The following CTNNA2 variants were observed in gnomAD, a reference collection of about 807,000 sequenced individuals.
The protein encoded by CTNNA2 is catenin alpha 2.
A neutral mutation model predicts 101.0 loss-of-function variants in CTNNA2; 42 were observed. The ratio of observed to expected loss-of-function variants is 0.42; its 90% confidence interval spans 0.32 to 0.54. The LOEUF is 0.54. Ranked by LOEUF, CTNNA2 falls within the 20% of genes least tolerant of loss-of-function variation. The pLI, the probability that CTNNA2 is intolerant of heterozygous loss-of-function variation, is 0.14. For synonymous variants in CTNNA2, 450 were observed against 456.4 expected (o/e 0.99, Z 0.18); for missense variants, 871 against 1,223.1 (o/e 0.71, Z 4.29).
intron 2 of CTNNA2, among the ~76,000 whole-genome samples, chr2:79,660,889 G>T (rs972914787): frequency 6.6e-6 from 1 of 152,026 alleles, no homozygotes; most frequent in Non-Finnish European, 1.5e-5. Context: ...GTATAAACAT[G>T]GAATTATGTA....
chr2:80,544,986 C>G lies in CTNNA2; in HGVS notation c.1295C>G (p.Ala432Gly), dbSNP rs1691912659. The G allele has an allele frequency of 1.2e-6, 2 of 1,613,762 alleles. No individual in the cohort carries two copies. The highest frequency in any genetic ancestry group is 1.1e-5 in the South Asian group (1 of 91,042). The change falls in exon 10 of 19, where the codon GCC (alanine) becomes GGC (glycine). Residue 432 changes from alanine to glycine, a missense_variant. By Grantham distance (60) the Ala-to-Gly change is moderately conservative. Transcript: ENST00000402739. ...REHANKLVEVANLACSISNNE... is the reference protein window; with the variant it reads ...REHANKLVEVGNLACSISNNE... ...CTAAAATCCTCTTCAATACAGGTTGCCAATTTGGCCTGTTCCATCTCCAAC... is the reference window on the plus strand; with the variant it reads ...CTAAAATCCTCTTCAATACAGGTTGGCAATTTGGCCTGTTCCATCTCCAAC...
intron 1 of CTNNA2, among the ~76,000 whole-genome samples, chr2:79,647,344 A>G (rs1376178760): frequency 2.0e-5 from 3 of 152,232 alleles, no homozygotes; most frequent in Admixed American, 6.5e-5. Flanking sequence ...ATAATAACAA[A>G]TATTTCCAGG....
chr2:79,485,581 A>G (rs1192795067), intron 4 of CTNNA2, among the ~76,000 whole-genome samples: 2 of 152,208 alleles, frequency 1.3e-5, no homozygotes, highest in Admixed American at 1.3e-4. Context: ...TTGGATGTGG[A>G]AAGAAGCACA....
intron 7 of CTNNA2, among the ~76,000 whole-genome samples, chr2:80,392,811 G>A (rs982598214): frequency 2.0e-5 from 3 of 152,010 alleles, no homozygotes; most frequent in Non-Finnish European, 4.4e-5. Context: ...AATCTTTTTC[G>A]ATTTAGTTTT....
intron 4 of CTNNA2, among the ~76,000 whole-genome samples, chr2:79,468,533 T>C (rs1055042723): frequency 6.6e-6 from 1 of 152,172 alleles, no homozygotes; most frequent in South Asian, 2.1e-4. Context: ...GTGGACCTAA[T>C]AGACATCTAC....
intron 1 of CTNNA2, among the ~76,000 whole-genome samples, chr2:79,517,496 A>G (rs964835326): frequency 6.6e-6 from 1 of 152,188 alleles, no homozygotes; most frequent in Non-Finnish European, 1.5e-5. Flanking sequence ...ATGTAAATAT[A>G]CTTCTAAAAA....
chr2:80,571,458 C>T (rs1047937152), intron 12 of CTNNA2, among the ~76,000 whole-genome samples: 1 of 152,152 alleles, frequency 6.6e-6, no homozygotes, highest in Non-Finnish European at 1.5e-5. Context: ...TTCAAAGATA[C>T]AAAAAGAACA....
At chr2:80,033,483 G>A (rs1695439892) in intron 7 of CTNNA2, among the ~76,000 whole-genome samples, 1 of 152,234 alleles carries the variant, frequency 6.6e-6, no homozygotes, top group African/African-American at 2.4e-5. Context: ...TGTGAGGTGG[G>A]AGGATCAATG....
At chr2:79,963,002 C>A (rs186295713) in intron 7 of CTNNA2, among the ~76,000 whole-genome samples, 3 of 130,618 alleles carry the variant, frequency 2.3e-5, no homozygotes, top group Admixed American at 1.9e-4. Context: ...ACCCGGGAGG[C>A]GGAACTTGCA....
chr2:80,449,272 C>A (rs1683303343), intron 9 of CTNNA2, among the ~76,000 whole-genome samples: 1 of 151,332 alleles, frequency 6.6e-6, no homozygotes, highest in African/African-American at 2.4e-5. Flanking sequence ...CAGAGCAAGA[C>A]CCTGGTCTCT....
intron 7 of CTNNA2, among the ~76,000 whole-genome samples, chr2:79,995,364 T>A (rs1198880474): frequency 6.6e-6 from 1 of 152,190 alleles, no homozygotes; most frequent in Non-Finnish European, 1.5e-5. Flanking sequence ...ATTCATTCCC[T>A]CCTAGGGTTT....
chr2:79,962,960 A>G (rs1335008877), intron 7 of CTNNA2, among the ~76,000 whole-genome samples: 1 of 149,858 alleles, frequency 6.7e-6, no homozygotes, highest in African/African-American at 2.5e-5. Context: ...AGTCCCAGCT[A>G]CTTGGGAGGC....
chr2:79,351,847 C>A (rs533109262), intron 3 of CTNNA2, among the ~76,000 whole-genome samples: 33 of 152,110 alleles, frequency 2.2e-4, no homozygotes, highest in African/African-American at 7.5e-4. Context: ...TGATGAACAT[C>A]GTATTTGATT....
At chr2:79,360,503 G>A (rs938591120) in intron 3 of CTNNA2, among the ~76,000 whole-genome samples, 3 of 152,160 alleles carry the variant, frequency 2.0e-5, no homozygotes, top group Non-Finnish European at 2.9e-5. Context: ...AGGCTTGAGC[G>A]CCAGATGGAA....
intron 12 of CTNNA2, among the ~76,000 whole-genome samples, chr2:80,558,470 GTGTGTGTGTGTGTGTGTA>G (rs1558585307): frequency 8.6e-5 from 10 of 116,294 alleles, no homozygotes; most frequent in South Asian, 4.9e-4. Context: ...ATATATGTGT[GTGTGTGTGTGTGTGTGTA>G]TATATATATG....
rs576175485 is a variant in CTNNA2 at position 80,056,386 on chromosome 2, C to A, written c.1056+146589C>A. On this transcript the variant is annotated intron_variant, in intron 7 of 18. Coordinates refer to ENST00000402739, the MANE Select transcript of CTNNA2 (RefSeq NM_001282597.3). ...AGAAAAGAGTCTTTATTCTGGGTGA[C>A]CTTGTTTCCAACTAAAGATAAGCAA... 1.8e-4 allele frequency among the ~76,000 whole-genome samples: 28 copies of A among 152,274 alleles called. No individual in the cohort carries two copies. The South Asian group carries it at 5.6e-3, about 30-fold the overall frequency.
At chr2:80,062,702 CT>C (rs70940073) in intron 7 of CTNNA2, among the ~76,000 whole-genome samples, 1,762 of 117,446 alleles carry the variant, frequency 0.015, 18 homozygotes, top group African/African-American at 0.046. Flanking sequence ...GCACTGTGAT[CT>C]TTTTTTTTTT....
chr2:79,744,749 A>G (rs1284744666), intron 3 of CTNNA2, among the ~76,000 whole-genome samples, 167 bp downstream of exon 3: 2 of 152,114 alleles, frequency 1.3e-5, no homozygotes, highest in African/African-American at 4.8e-5. Context: ...ACATAGAGAT[A>G]TTTTCATTGT....
chr2:79,489,876 C>A (rs180970016), intron 4 of CTNNA2, among the ~76,000 whole-genome samples: 70 of 152,250 alleles, frequency 4.6e-4, no homozygotes, highest in African/African-American at 1.6e-3. Context: ...TGGACAAGGG[C>A]AAAAGGTAAG....
Sources: allele counts gnomAD v4.1 joint callset (sites outside exome capture counted in the v4.1 genomes callset), GRCh38; gene constraint gnomAD v4.1.1; transcripts MANE v1.5; gene names NCBI Gene and HGNC (gene_info 2026-07-23, HGNC 2026-07-21).